VASN: variants seen among roughly 807,000 people sequenced by gnomAD.
VASN encodes the protein vasorin, also known as protein slit-like 2.
A neutral mutation model predicts 4.8 loss-of-function variants in VASN; 5 were observed. That is an observed-to-expected ratio of 1.03 (90% CI 0.54 to 2.17). VASN has a LOEUF of 2.17. Among genes scored for constraint, VASN ranks in the 30% most tolerant of loss-of-function variants. The probability of loss-of-function intolerance (pLI) is 0.01; values close to 1 mark genes in which losing one functional copy is unlikely to be tolerated. For synonymous variants in VASN, 499 were observed against 460.8 expected, an observed-to-expected ratio of 1.08 and a Z score of -1.06; for missense variants, 927 against 948.8, an observed-to-expected ratio of 0.98 and a Z score of 0.30.
chr16:4,376,567 G>A (rs1413578230), intron 1 of VASN, among the ~76,000 whole-genome samples: 5 of 152,140 alleles, frequency 3.3e-5, no homozygotes, highest in African/African-American at 7.2e-5. Context: ...AGATGTTCTC[G>A]CCAGGGGCTG....
intron 1 of VASN, among the ~76,000 whole-genome samples, chr16:4,379,003 C>G (rs1215875282): frequency 6.6e-6 from 1 of 152,096 alleles, no homozygotes; most frequent in Non-Finnish European, 1.5e-5. Flanking sequence ...TCGAGCTACC[C>G]GCAGACCCCA....
In VASN at chr16:4,380,922, G is replaced by A; in HGVS notation, c.45G>A (p.Leu15=). 6.3e-7 allele frequency: 1 copy of A among 1,576,506 alleles called. No individual in the cohort carries two copies. The highest frequency in any genetic ancestry group is 8.6e-7 in the Non-Finnish European group (1 of 1,165,766). ...VPLLLPLLLL[L]ALGPGVQGCP... ...TGCTGCTGCCGCTGCTCCTGCTACT[G>A]GCCCTGGGGCCTGGGGTGCAGGGCT... is the stretch of plus-strand genomic sequence containing the variant. Residue 15 remains leucine, a synonymous_variant, in exon 2 of 2, where the codon CTG becomes CTA. Transcript: ENST00000304735.
In VASN at chr16:4,381,963, G is replaced by C. The variant is rs1271102855; in HGVS notation, c.1086G>C (p.Arg362Ser). 4 of 1,608,438 alleles carry C rather than the reference G, an allele frequency of 2.5e-6. No homozygotes were observed. The highest frequency in any genetic ancestry group is 3.4e-6 in the Non-Finnish European group (4 of 1,178,926). The change falls in exon 2 of 2, where the codon AGG becomes AGC. Residue 362 changes from arginine (R) to serine (S), a missense_variant. By Grantham distance (110) the Arg-to-Ser change is moderately radical. Transcript: ENST00000304735. The stretch of plus-strand genomic sequence containing the variant: ...CCACAGCCACAGTGCCCACCACGAG[G>C]CCCGTGGTGCGGGAGCCCACAGCCT... ...TTTTATVPTT[R>S]PVVREPTALS... is the part of the protein sequence containing the mutation.
chr16:4,375,440 G>A (rs139815344), intron 1 of VASN, among the ~76,000 whole-genome samples: 150 of 152,336 alleles, frequency 9.8e-4, no homozygotes, highest in African/African-American at 3.3e-3. Flanking sequence ...CGGAGGACTC[G>A]CTCAAGGAGC....
chr16:4,381,630 C>T lies in VASN; in HGVS notation c.753C>T (p.Arg251=), dbSNP rs1312489223. Residue 251 remains arginine, a synonymous_variant, in exon 2 of 2, where the codon CGC becomes CGT. Transcript: ENST00000304735. ...GCCTGCGGCTGGCCGGCAACACCCG[C>T]ATTGCCCAGCTGCGGCCCGAGGACC... ...LTRLRLAGNT[R]IAQLRPEDLA... 5.6e-6 allele frequency: 9 copies of T among 1,599,494 alleles called. No homozygotes were observed. The South Asian group carries it at 6.7e-5, about 12-fold the overall frequency.
rs368783578 is a variant in VASN at position 4,382,506 on chromosome 16, G to A, written c.1629G>A (p.Val543=). Residue 543 remains valine (V), a synonymous_variant, in exon 2 of 2, where the codon GTG becomes GTA. Coordinates refer to ENST00000304735, the MANE Select transcript of VASN (RefSeq NM_138440.3). ...TCATGCCTTTGGGGCCCGGGCGGGT[G>A]CCGGAGGGCGAGGAGGCCTGCGGGG... ...VCVMPLGPGR[V]PEGEEACGEA... The A allele has an allele frequency of 1.1e-4, 182 of 1,592,332 alleles. No homozygotes were observed. In the African/African-American group the frequency reaches 1.9e-3, roughly 17 times the overall value.
At chr16:4,376,310 G>A (rs530114318) in intron 1 of VASN, among the ~76,000 whole-genome samples, 19 of 152,332 alleles carry the variant, frequency 1.2e-4, no homozygotes, top group African/African-American at 3.1e-4. Context: ...GCACAGTCCC[G>A]CCTGCCTGGA....
At position 4,380,914 on chromosome 16, in the gene VASN, C is replaced by CT; in HGVS notation, c.38dup (p.Leu14AlafsTer48). ...GGTCCCTCTGCTGCTGCCGCTGCTC[C>CT]TGCTACTGGCCCTGGGGCCTGGGGT... is the stretch of plus-strand genomic sequence containing the variant. On this transcript the variant is annotated frameshift_variant, in exon 2 of 2. Transcript: ENST00000304735. LOFTEE classifies it low-confidence loss of function (END_TRUNC). The CT allele has an allele frequency of 6.4e-7, 1 of 1,565,988 alleles. No individual in the cohort carries two copies. The highest frequency in any genetic ancestry group is 8.6e-7 in the Non-Finnish European group (1 of 1,161,516).
chr16:4,380,286 C>A (rs1416057652), intron 1 of VASN, among the ~76,000 whole-genome samples: 1 of 152,184 alleles, frequency 6.6e-6, no homozygotes, highest in Non-Finnish European at 1.5e-5. Flanking sequence ...CACTTCCTGG[C>A]GGCCCGCAGC....
chr16:4,382,441 G>A lies in VASN; in HGVS notation c.1564G>A (p.Val522Ile), dbSNP rs1362811760. The A allele has an allele frequency of 6.2e-7, 1 of 1,610,242 alleles. No individual in the cohort carries two copies. Among genetic ancestry groups the A allele is most frequent in the Non-Finnish European group, 8.5e-7 (1 of 1,178,840 alleles). Residue 522 changes from valine to isoleucine, a missense_variant, in exon 2 of 2, where the codon GTC becomes ATC. By Grantham distance (29) the Val-to-Ile change is conservative. Coordinates refer to ENST00000304735, the MANE Select transcript of VASN (RefSeq NM_138440.3). The part of the protein sequence containing the change: ...RLPASLAEYT[V>I]TQLRPNATYS... ...GCCTGCCTCGCTCGCTGAGTACACG[G>A]TCACCCAGCTGCGGCCCAACGCCAC...
At chr16:4,379,320 T>G (rs373213384) in intron 1 of VASN, among the ~76,000 whole-genome samples, 53 of 152,002 alleles carry the variant, frequency 3.5e-4, no homozygotes, top group East Asian at 2.9e-3. Flanking sequence ...GGTGCCAAAG[T>G]GGGGAGGGCT....
At chr16:4,380,766 T>G in intron 1 of VASN, 103 bp from the exon 2 acceptor site, 5 of 1,273,068 alleles carry the variant, frequency 3.9e-6, no homozygotes, top group Non-Finnish European at 5.2e-6. Flanking sequence ...TTCTCTTGCA[T>G]TTGGGGGCAG....
Position 4,381,208 on chromosome 16 carries a change from A to G in VASN, c.331A>G (p.Arg111Gly). 1 of 1,611,944 alleles carries G rather than the reference A, an allele frequency of 6.2e-7. No individual in the cohort carries two copies. The highest frequency in any genetic ancestry group is 1.1e-5 in the South Asian group (1 of 90,882). ...CAGCAACCTGGACCTGACAGCCAAC[A>G]GGCTGCATGAAATCACCAATGAGAC... is the stretch of plus-strand genomic sequence containing the variant. ...NLSNLDLTAN[R>G]LHEITNETFR... Residue 111 changes from arginine (R) to glycine (G), a missense_variant, in exon 2 of 2, where the codon AGG becomes GGG. Arg to Gly is a moderately radical substitution (Grantham distance 125). Coordinates refer to ENST00000304735, the MANE Select transcript of VASN (RefSeq NM_138440.3).
chr16:4,377,228 C>G (rs1176302882), intron 1 of VASN, among the ~76,000 whole-genome samples: 1 of 152,132 alleles, frequency 6.6e-6, no homozygotes, highest in Non-Finnish European at 1.5e-5. Context: ...CCCCGACGTC[C>G]CCGAATCCCA....
intron 1 of VASN, among the ~76,000 whole-genome samples, chr16:4,379,436 G>A (rs778700445): frequency 3.3e-5 from 5 of 152,068 alleles, no homozygotes; most frequent in Admixed American, 6.5e-5. Flanking sequence ...AGCCTGGAGC[G>A]GCTGGTGGGA....
Position 4,381,598 on chromosome 16 carries a change from C to A in VASN, c.721C>A (p.Leu241Met). 1 of 1,599,968 alleles carries A rather than the reference C, an allele frequency of 6.3e-7. No individual in the cohort carries two copies. Among genetic ancestry groups the A allele is most frequent in the Non-Finnish European group, 8.5e-7 (1 of 1,173,918 alleles). The change falls in exon 2 of 2, where the codon CTG (leucine) becomes ATG (methionine). Residue 241 changes from leucine (L) to methionine (M), a missense_variant. Leu to Met is a conservative substitution (Grantham distance 15). Coordinates refer to ENST00000304735, the MANE Select transcript of VASN (RefSeq NM_138440.3). ...ACCTGTGATCCGAGGCCTCCGGGGC[C>A]TGACGCGCCTGCGGCTGGCCGGCAA... Reference protein sequence around the residue: ...VPPVIRGLRGLTRLRLAGNTR... With the variant: ...VPPVIRGLRGMTRLRLAGNTR...
At chr16:4,374,983 C>T (rs543353634) in intron 1 of VASN, among the ~76,000 whole-genome samples, 2 of 152,130 alleles carry the variant, frequency 1.3e-5, no homozygotes, top group African/African-American at 4.8e-5. Flanking sequence ...GGGCCCAGCC[C>T]TGGTGGCATC....
chr16:4,381,109 C>G lies in VASN; in HGVS notation c.232C>G (p.Leu78Val). The change falls in exon 2 of 2, where the codon CTG becomes GTG. Residue 78 changes from leucine (L) to valine (V), a missense_variant. Physicochemically the swap from Leu to Val is conservative, Grantham distance 32 (BLOSUM62 1). Coordinates refer to ENST00000304735, the MANE Select transcript of VASN (RefSeq NM_138440.3). ...DAGSFAGLPG[L>V]QLLDLSQNQI... ...AGGCAGCTTTGCCGGCCTGCCGGGC[C>G]TGCAGCTCCTGGACCTGTCACAGAA... is the stretch of plus-strand genomic sequence containing the variant. 6.2e-7 allele frequency: 1 copy of G among 1,609,248 alleles called. No individual in the cohort carries two copies. The highest frequency in any genetic ancestry group is 8.5e-7 in the Non-Finnish European group (1 of 1,178,526).
At chr16:4,373,135 G>A (rs1042242033) in intron 1 of VASN, among the ~76,000 whole-genome samples, 1 of 152,140 alleles carries the variant, frequency 6.6e-6, no homozygotes, top group Admixed American at 6.5e-5. Flanking sequence ...CAGAGCTGGG[G>A]CAGGCGGGTG....
Sources: allele counts gnomAD v4.1 joint callset (sites outside exome capture counted in the v4.1 genomes callset), GRCh38; gene constraint gnomAD v4.1.1; transcripts MANE v1.5; gene names NCBI Gene and HGNC (gene_info 2026-07-23, HGNC 2026-07-21).